TRPC5: variants seen among roughly 807,000 people sequenced by gnomAD.
TRPC5 encodes the protein transient receptor potential cation channel subfamily C member 5.
Under a neutral mutation model 56.5 loss-of-function variants are expected in TRPC5, and 9 were observed. That is an observed-to-expected ratio of 0.16 (90% CI 0.10 to 0.28). TRPC5 has a LOEUF of 0.28. TRPC5 is among the 10% of genes least tolerant of loss of function. The pLI is 1.00. For synonymous variants in TRPC5, 282 were observed against 278.5 expected, an observed-to-expected ratio of 1.01 and a Z score of -0.13; for missense variants, 469 against 748.9, an observed-to-expected ratio of 0.63 and a Z score of 4.36.
intron 9 of TRPC5, 131 bp downstream of exon 9, chrX:111,781,034 A>G: frequency 1.5e-6 from 1 of 651,795 alleles, no homozygotes; most frequent in Non-Finnish European, 2.6e-6. Flanking sequence ...CCCTTGATAA[A>G]TTACAGCCTT....
chrX:112,081,842 C>A (rs768058100), intron 1 of TRPC5, 37 bp downstream of exon 1: 29 of 112,192 alleles, frequency 2.6e-4, no homozygotes, highest in Non-Finnish European at 5.4e-4. Context: ...AGCACTCAGG[C>A]AGTGAAATGG....
chrX:111,830,666 T>A (rs1922381883), intron 7 of TRPC5, among the ~76,000 whole-genome samples: 1 of 112,066 alleles, frequency 8.9e-6, no homozygotes, highest in South Asian at 3.8e-4. Context: ...CTCTCTCACC[T>A]GCCACCATGT....
intron 1 of TRPC5, among the ~76,000 whole-genome samples, chrX:111,990,556 C>T (rs189581791): frequency 1.8e-5 from 2 of 111,528 alleles, no homozygotes; most frequent in Non-Finnish European, 1.9e-5. Context: ...AAAATGGCCC[C>T]AAGACAGGGA....
intron 2 of TRPC5, among the ~76,000 whole-genome samples, chrX:111,917,343 T>C (rs1926006655): frequency 1.8e-5 from 2 of 112,115 alleles, no homozygotes; most frequent in African/African-American, 3.2e-5. Flanking sequence ...TTCAGGTGAA[T>C]AGATGCAAGG....
chrX:111,798,520 C>T (rs1921184542), intron 7 of TRPC5, among the ~76,000 whole-genome samples: 1 of 111,887 alleles, frequency 8.9e-6, no homozygotes, highest in Non-Finnish European at 1.9e-5. Flanking sequence ...GCTGGAAGTA[C>T]TCCCAAGAAA....
At chrX:112,026,907 G>GA (rs372801512) in intron 1 of TRPC5, among the ~76,000 whole-genome samples, 2,825 of 90,534 alleles carry the variant, frequency 0.031, 119 homozygotes, top group African/African-American at 0.1. Flanking sequence ...GTGAGACCAT[G>GA]AAAAAAAAAA....
At chrX:111,935,390 G>A (rs948081624) in intron 2 of TRPC5, among the ~76,000 whole-genome samples, 1 of 111,509 alleles carries the variant, frequency 9.0e-6, no homozygotes, top group African/African-American at 3.3e-5. Flanking sequence ...GATGAATAGT[G>A]TGCAAATATT....
intron 1 of TRPC5, among the ~76,000 whole-genome samples, chrX:111,960,816 A>C (rs1246443668): frequency 1.8e-5 from 2 of 109,837 alleles, no homozygotes; most frequent in East Asian, 5.6e-4. Context: ...TAATTAATTA[A>C]TTATTATTAT....
At chrX:111,800,770 G>A (rs1332085551) in intron 7 of TRPC5, among the ~76,000 whole-genome samples, 1 of 110,251 alleles carries the variant, frequency 9.1e-6, no homozygotes, top group Non-Finnish European at 1.9e-5. Flanking sequence ...AAAAAATACA[G>A]TATATAATAT....
chrX:111,777,064 A>G (rs979851768), intron 10 of TRPC5, 62 bp from the exon 11 acceptor site: 3 of 941,085 alleles, frequency 3.2e-6, no homozygotes, highest in South Asian at 3.5e-5. Flanking sequence ...AAGTAGGCAC[A>G]TTAGATACCT....
At chrX:111,948,619 C>T (rs995958445) in intron 2 of TRPC5, among the ~76,000 whole-genome samples, 7 of 109,246 alleles carry the variant, frequency 6.4e-5, no homozygotes, top group African/African-American at 2.3e-4. Flanking sequence ...CTAGTCCCAG[C>T]TGCTCGGGAG....
In TRPC5 at chrX:111,773,088, A is replaced by G. The variant is rs1286858010; in HGVS notation, c.*3225T>C. 8.9e-6 allele frequency among the ~76,000 whole-genome samples: 1 copy of G among 112,328 alleles called. No homozygotes were observed. The highest frequency in any genetic ancestry group is 3.2e-5 in the African/African-American group (1 of 30,933). Reference sequence around the variant, plus strand: ...CAGGTATTTACGACTTAGCTGAAATAGCCTAAGTTAGGTCACAGTGGAATG... The same window carrying G: ...CAGGTATTTACGACTTAGCTGAAATGGCCTAAGTTAGGTCACAGTGGAATG... On this transcript the variant is annotated 3_prime_UTR_variant, in exon 11 of 11. Transcript: ENST00000262839.
chrX:112,020,967 G>A (rs896779040), intron 1 of TRPC5, among the ~76,000 whole-genome samples: 10 of 107,125 alleles, frequency 9.3e-5, no homozygotes, highest in African/African-American at 3.4e-4. Flanking sequence ...GATGCTTCAG[G>A]CCACTTGATA....
intron 6 of TRPC5, among the ~76,000 whole-genome samples, chrX:111,837,356 T>C (rs904422890): frequency 4.5e-5 from 5 of 111,613 alleles, no homozygotes. Context: ...GCCTATTAGA[T>C]ACCAGAAATC....
At chrX:111,876,518 C>T (rs1013388490) in intron 3 of TRPC5, among the ~76,000 whole-genome samples, 2 of 111,575 alleles carry the variant, frequency 1.8e-5, no homozygotes, top group Admixed American at 9.5e-5. Context: ...TTTTTCCTTG[C>T]CAGTCTGAGA....
intron 1 of TRPC5, among the ~76,000 whole-genome samples, chrX:112,027,324 GTAAGT>G (rs1265025828): frequency 9.0e-6 from 1 of 111,707 alleles, no homozygotes; most frequent in African/African-American, 3.3e-5. Context: ...GGGAAGTTCT[GTAAGT>G]TTAGTTATGC....
intron 7 of TRPC5, among the ~76,000 whole-genome samples, chrX:111,819,249 T>C (rs1269661306): frequency 8.9e-6 from 1 of 112,050 alleles, no homozygotes; most frequent in East Asian, 2.8e-4. Flanking sequence ...GTTTCTCTTT[T>C]GCTTATGTTT....
intron 1 of TRPC5, among the ~76,000 whole-genome samples, chrX:112,065,070 T>C (rs1409169892): frequency 2.1e-5 from 2 of 96,709 alleles, no homozygotes; most frequent in African/African-American, 8.2e-5. Flanking sequence ...CCAGCGAGAC[T>C]ACGTCTCAAA....
chrX:111,801,310 T>G (rs1340824566), intron 7 of TRPC5, among the ~76,000 whole-genome samples: 1 of 112,170 alleles, frequency 8.9e-6, no homozygotes, highest in Non-Finnish European at 1.9e-5. Context: ...TTCGGGTTGT[T>G]TCCACTCTTT....
Sources: allele counts gnomAD v4.1 joint callset (sites outside exome capture counted in the v4.1 genomes callset), GRCh38; gene constraint gnomAD v4.1.1; transcripts MANE v1.5; gene names NCBI Gene and HGNC (gene_info 2026-07-23, HGNC 2026-07-21).